Variants in SLC4A4 observed in about 807,000 individuals in gnomAD.
SLC4A4 encodes solute carrier family 4 member 4.
Under a neutral mutation model 111.5 loss-of-function variants are expected in SLC4A4, and 27 were observed. The observed-to-expected ratio is 0.24, with a 90% confidence interval of 0.18 to 0.33. SLC4A4 has a LOEUF of 0.33. SLC4A4 is among the 10% of genes least tolerant of loss of function. The pLI, the probability that SLC4A4 is intolerant of heterozygous loss-of-function variation, is 1.00. For missense variants in SLC4A4, 909 were observed against 1,315.5 expected (o/e 0.69, Z 4.78); for synonymous variants, 443 against 463.4 (o/e 0.96, Z 0.57).
upstream of SLC4A4, among the ~76,000 whole-genome samples, chr4:71,184,324 C>T (rs115680377): frequency 2.0e-3 from 306 of 152,270 alleles, no homozygotes; most frequent in African/African-American, 6.7e-3. Context: ...GCCTGGACTA[C>T]CTATTCGAAA....
intron 19 of SLC4A4, 55 bp downstream of exon 19, chr4:71,546,583 G>A (rs1409552217): frequency 1.2e-5 from 18 of 1,451,932 alleles, no homozygotes; most frequent in Non-Finnish European, 1.7e-5. Flanking sequence ...ACACATCTAT[G>A]TGGCAATCAT....
chr4:71,433,165 C>T lies in SLC4A4; in HGVS notation c.808-7451C>T, dbSNP rs182899783. ...CTTCTTTTCTCAAAACCTCACACAA[C>T]TTCCTCCCCCTCACCATTAGCTTAC... is the stretch of plus-strand genomic sequence containing the variant. On this transcript the variant is annotated intron_variant, in intron 7 of 25. Transcript: ENST00000264485. Among the ~76,000 whole-genome samples the T allele has an allele frequency of 4.0e-5, 6 of 151,878 alleles. No homozygotes were observed. The East Asian group carries it at 1.2e-3, about 29-fold the overall frequency.
At chr4:71,233,206 C>T in intron 1 of SLC4A4, 2 of 925,794 alleles carry the variant, frequency 2.2e-6, no homozygotes, top group South Asian at 5.0e-5. Context: ...TTGGCTTGTG[C>T]CTGCAACATA....
chr4:71,490,123 G>A (rs1295347795), intron 15 of SLC4A4, among the ~76,000 whole-genome samples: 1 of 151,624 alleles, frequency 6.6e-6, no homozygotes, highest in East Asian at 2.0e-4. Flanking sequence ...CCTTTAACTT[G>A]CAAACCAAAT....
intron 6 of SLC4A4, among the ~76,000 whole-genome samples, chr4:71,380,842 A>G (rs912358763): frequency 1.3e-5 from 2 of 152,268 alleles, no homozygotes; most frequent in Admixed American, 6.5e-5. Flanking sequence ...CCTTACTTCC[A>G]GCCACAGATG....
chr4:71,366,349 GT>G (rs1299340351), intron 6 of SLC4A4, among the ~76,000 whole-genome samples: 5 of 150,722 alleles, frequency 3.3e-5, no homozygotes, highest in African/African-American at 1.2e-4. Context: ...GTGTGTGTGT[GT>G]GTGTGTATCT....
At chr4:71,293,929 G>A (rs1724581061) in intron 3 of SLC4A4, among the ~76,000 whole-genome samples, 1 of 152,138 alleles carries the variant, frequency 6.6e-6, no homozygotes, top group South Asian at 2.1e-4. Context: ...GGAAGGGTGA[G>A]TTTTCATAAC....
chr4:71,076,108 A>C (rs1741811412), intron 1 of SLC4A4, among the ~76,000 whole-genome samples: 1 of 151,954 alleles, frequency 6.6e-6, no homozygotes, highest in South Asian at 2.1e-4. Flanking sequence ...ATTTTTGTTT[A>C]TTTATTTATT....
chr4:71,147,170 TTC>T (rs1464132392), intron 2 of SLC4A4, among the ~76,000 whole-genome samples: 1 of 152,208 alleles, frequency 6.6e-6, no homozygotes, highest in Non-Finnish European at 1.5e-5. Flanking sequence ...AAACAAACTT[TTC>T]TCTCTTTTTT....
At chr4:71,512,423 G>A (rs1428901555) in intron 16 of SLC4A4, among the ~76,000 whole-genome samples, 1 of 152,082 alleles carries the variant, frequency 6.6e-6, no homozygotes, top group African/African-American at 2.4e-5. Context: ...TCATATACCT[G>A]TTGGCTGTTA....
At chr4:71,129,501 T>G (rs945716885) in intron 2 of SLC4A4, among the ~76,000 whole-genome samples, 78 of 152,322 alleles carry the variant, frequency 5.1e-4, no homozygotes, top group African/African-American at 1.8e-3. Flanking sequence ...AAGGGAATAC[T>G]TATACACTGC....
At chr4:71,149,460 T>A (rs2148971118) in intron 2 of SLC4A4, among the ~76,000 whole-genome samples, 1 of 152,280 alleles carries the variant, frequency 6.6e-6, no homozygotes, top group South Asian at 2.1e-4. Context: ...TTTTGTATAT[T>A]AAAAGCATTG....
In SLC4A4 at chr4:71,547,581, G is replaced by C. The variant is rs1265563103; in HGVS notation, c.2622-67G>C. On this transcript the variant is annotated intron_variant, in intron 19 of 25. Coordinates refer to ENST00000264485, the MANE Select transcript of SLC4A4 (RefSeq NM_001098484.3). ...TTTGTCAATGTGTAGTTTTTTTGAA[G>C]GTGAAAAGACAAGAGCATGTTTATG... is the stretch of plus-strand genomic sequence containing the variant. 3.5e-5 allele frequency: 46 copies of C among 1,304,802 alleles called. 1 individual carries two copies. In the East Asian group the frequency reaches 1.1e-3, roughly 30 times the overall value. 80.8% of individuals were successfully genotyped at this position (1,304,802 alleles called of 1,614,324 possible). A position where few individuals can be genotyped will look rare whatever the true frequency, so the allele number is the denominator to read the frequency against.
chr4:71,527,501 G>A (rs1244990131), intron 16 of SLC4A4, among the ~76,000 whole-genome samples: 1 of 152,042 alleles, frequency 6.6e-6, no homozygotes, highest in African/African-American at 2.4e-5. Flanking sequence ...TGGTGGGGCA[G>A]TGTGGGCCAG....
chr4:71,401,297 T>A (rs1720338895), intron 7 of SLC4A4, among the ~76,000 whole-genome samples: 1 of 152,234 alleles, frequency 6.6e-6, no homozygotes, highest in Admixed American at 6.5e-5. Flanking sequence ...CAGTAGCGGC[T>A]GCTTTATTGA....
At chr4:71,236,236 T>TA in intron 1 of SLC4A4, 2 of 802,574 alleles carry the variant, frequency 2.5e-6, no homozygotes, top group Non-Finnish European at 3.1e-6. Context: ...CTCTTGGTAT[T>TA]TTTTTTTTTT....
intron 16 of SLC4A4, among the ~76,000 whole-genome samples, chr4:71,505,890 G>A (rs1731373745): frequency 6.6e-6 from 1 of 152,084 alleles, no homozygotes; most frequent in African/African-American, 2.4e-5. Context: ...AAGAGGACAA[G>A]TTTCAATTTT....
At chr4:71,251,811 A>T (rs2149056546) in intron 2 of SLC4A4, among the ~76,000 whole-genome samples, 1 of 152,260 alleles carries the variant, frequency 6.6e-6, no homozygotes, top group East Asian at 1.9e-4. Flanking sequence ...TATCTTTGGA[A>T]GCAGTATTTC....
At chr4:71,070,000 AG>A (rs1741625764) in intron 1 of SLC4A4, among the ~76,000 whole-genome samples, 1 of 152,158 alleles carries the variant, frequency 6.6e-6, no homozygotes, top group Non-Finnish European at 1.5e-5. Context: ...AACCCTCATA[AG>A]TCTGTCTTTG....
Sources: allele counts gnomAD v4.1 joint callset (sites outside exome capture counted in the v4.1 genomes callset), GRCh38; gene constraint gnomAD v4.1.1; transcripts MANE v1.5; gene names NCBI Gene and HGNC (gene_info 2026-07-23, HGNC 2026-07-21).